Variants in XPR1 observed in about 807,000 individuals in gnomAD.
The protein encoded by XPR1 is solute carrier family 53 member 1.
Under a neutral mutation model 87.5 loss-of-function variants are expected in XPR1, and 28 were observed. The ratio of observed to expected loss-of-function variants is 0.32; its 90% CI spans 0.24 to 0.44. The LOEUF (loss-of-function observed/expected upper bound fraction) is 0.44. XPR1 is among the 20% of genes least tolerant of loss of function. XPR1 has a pLI of 1.00. For missense variants in XPR1, 559 were observed against 862.3 expected (o/e 0.65, Z 4.41); for synonymous variants, 300 against 306.1 (o/e 0.98, Z 0.21).
intron 9 of XPR1, among the ~76,000 whole-genome samples, chr1:180,831,165 T>C (rs1366810233): frequency 1.3e-5 from 2 of 152,172 alleles, no homozygotes; most frequent in Non-Finnish European, 2.9e-5. Context: ...TACCATCCTT[T>C]CCTACTTATC....
chr1:180,641,741 C>T (rs1654968469), intron 1 of XPR1, among the ~76,000 whole-genome samples: 1 of 152,044 alleles, frequency 6.6e-6, no homozygotes. Context: ...CTTCTCAACC[C>T]CTCTGTTTTA....
intron 7 of XPR1, among the ~76,000 whole-genome samples, chr1:180,819,624 C>T (rs1036098924): frequency 2.6e-5 from 4 of 152,258 alleles, no homozygotes; most frequent in East Asian, 3.9e-4. Flanking sequence ...CAGGCTATTT[C>T]GCTTTCTTTT....
At chr1:180,769,108 T>TTTTTTCGTTTTTTAAA (rs1648401350) in intron 2 of XPR1, among the ~76,000 whole-genome samples, 1 of 152,154 alleles carries the variant, frequency 6.6e-6, no homozygotes, top group Non-Finnish European at 1.5e-5. Context: ...TTTTAAAACA[T>TTTTTTCGTTTTTTAAA]ACATTTTTAA....
At chr1:180,697,429 AT>A (rs1333522859) in intron 2 of XPR1, among the ~76,000 whole-genome samples, 1 of 150,320 alleles carries the variant, frequency 6.7e-6, no homozygotes, top group African/African-American at 2.4e-5. Flanking sequence ...TTGTTTGTAT[AT>A]TTTTTTAGTC....
intron 2 of XPR1, among the ~76,000 whole-genome samples, chr1:180,778,193 A>G (rs565016158): frequency 2.6e-5 from 4 of 152,190 alleles, no homozygotes; most frequent in African/African-American, 9.6e-5. Flanking sequence ...TAAGTTGTCC[A>G]GACTGGTCTC....
chr1:180,792,926 G>A (rs934912776), intron 3 of XPR1, among the ~76,000 whole-genome samples: 5 of 152,074 alleles, frequency 3.3e-5, no homozygotes, highest in Admixed American at 1.3e-4. Context: ...CAGAATATAT[G>A]TGTTGCTTCT....
chr1:180,715,478 T>A (rs1657957410), intron 2 of XPR1, among the ~76,000 whole-genome samples: 1 of 152,176 alleles, frequency 6.6e-6, no homozygotes, highest in African/African-American at 2.4e-5. Context: ...TATCCAGTGT[T>A]ACACAAATAA....
intron 2 of XPR1, among the ~76,000 whole-genome samples, chr1:180,760,805 C>T (rs954915004): frequency 1.3e-5 from 2 of 152,118 alleles, no homozygotes; most frequent in African/African-American, 2.4e-5. Flanking sequence ...CCCGCATCGC[C>T]AAGTCAATCC....
chr1:180,786,929 G>T (rs775271270), intron 2 of XPR1, among the ~76,000 whole-genome samples: 8 of 152,138 alleles, frequency 5.3e-5, no homozygotes, highest in East Asian at 1.9e-4. Context: ...ACACTCTTCA[G>T]TGCAGACTTC....
At chr1:180,806,337 T>C (rs998472990) in intron 5 of XPR1, 126 bp downstream of exon 5, 190 of 1,448,440 alleles carry the variant, frequency 1.3e-4, no homozygotes, top group Non-Finnish European at 1.7e-4. Context: ...TTACCTGTGA[T>C]TTTTTTTCAT....
At chr1:180,883,011 G>A (rs917298725) in intron 14 of XPR1, among the ~76,000 whole-genome samples, 4 of 151,164 alleles carry the variant, frequency 2.6e-5, no homozygotes, top group African/African-American at 9.8e-5. Flanking sequence ...CACCTAGGCT[G>A]GAGTGCAGTG....
chr1:180,697,644 G>C lies in XPR1; in HGVS notation c.121+15233G>C, dbSNP rs752297276. On this transcript the variant is annotated intron_variant, in intron 2 of 14. Coordinates refer to ENST00000367590, the MANE Select transcript of XPR1 (RefSeq NM_004736.4). Reference sequence around the variant, plus strand: ...TGTCCTGTAGGTTTGGGTATGTTGTGGTTCTATTTTCACTTGTTTTAAGAC... The same window carrying C: ...TGTCCTGTAGGTTTGGGTATGTTGTCGTTCTATTTTCACTTGTTTTAAGAC... Among the ~76,000 whole-genome samples, 3 of 151,598 alleles carry C rather than the reference G, an allele frequency of 2.0e-5. No individual in the cohort carries two copies. The South Asian group carries it at 6.3e-4, about 32-fold the overall frequency.
In XPR1 at chr1:180,661,476, C is replaced by CGTGT. The variant is rs60527318; in HGVS notation, c.70-20844_70-20841dup. ...TCTCTGCTGGTATGTTTTAATTTTT[C>CGTGT]GTGTGTGTGTGTGTGTGTGTGTGTG... is the stretch of plus-strand genomic sequence containing the variant. On this transcript the variant is annotated intron_variant, in intron 1 of 14. Transcript: ENST00000367590. Among the ~76,000 whole-genome samples the CGTGT allele has an allele frequency of 7.6e-3, 1,089 of 142,436 alleles. 10 individuals carry two copies. Among genetic ancestry groups the CGTGT allele is most frequent in the African/African-American group, 0.02 (764 of 37,612 alleles). The allele number at this position is 142,436 out of a possible 152,430, so 93.4% of individuals were successfully genotyped here. A position where few individuals can be genotyped will look rare whatever the true frequency, so the allele number is the denominator to read the frequency against.
chr1:180,693,090 C>T (rs1365852611), intron 2 of XPR1, among the ~76,000 whole-genome samples: 1 of 152,046 alleles, frequency 6.6e-6, no homozygotes. Flanking sequence ...CAAAAAAGTT[C>T]TGGGAATTAC....
chr1:180,876,367 G>A (rs904520128), intron 13 of XPR1, among the ~76,000 whole-genome samples: 13 of 152,210 alleles, frequency 8.5e-5, no homozygotes, highest in African/African-American at 2.7e-4. Flanking sequence ...CAGGCACGGT[G>A]GTTCACACCT....
At chr1:180,695,946 T>A (rs1657149981) in intron 2 of XPR1, among the ~76,000 whole-genome samples, 1 of 151,794 alleles carries the variant, frequency 6.6e-6, no homozygotes, top group Non-Finnish European at 1.5e-5. Context: ...ATTTTGGGAT[T>A]TTTTTTTCTA....
At chr1:180,661,509 GT>G (rs1655778040) in intron 1 of XPR1, among the ~76,000 whole-genome samples, 8 of 144,370 alleles carry the variant, frequency 5.5e-5, no homozygotes, top group South Asian at 2.2e-4. Context: ...GTGTGTGTGT[GT>G]GTGTGTGTGG....
chr1:180,664,756 C>T (rs1053341667), intron 1 of XPR1, among the ~76,000 whole-genome samples: 8 of 152,256 alleles, frequency 5.3e-5, no homozygotes, highest in East Asian at 1.9e-4. Flanking sequence ...CAGCATTCCC[C>T]GACATTTTTA....
chr1:180,694,800 CA>C (rs1657108773), intron 2 of XPR1, among the ~76,000 whole-genome samples: 3 of 141,640 alleles, frequency 2.1e-5, no homozygotes, highest in Non-Finnish European at 4.7e-5. Context: ...CACACACACA[CA>C]CACCATGTTT....
Sources: allele counts gnomAD v4.1 joint callset (sites outside exome capture counted in the v4.1 genomes callset), GRCh38; gene constraint gnomAD v4.1.1; transcripts MANE v1.5; gene names NCBI Gene and HGNC (gene_info 2026-07-23, HGNC 2026-07-21).